KCND2: variants seen among roughly 807,000 people sequenced by gnomAD.
KCND2 encodes the protein A-type voltage-gated potassium channel KCND2.
In KCND2, 16 loss-of-function variants were observed where a neutral mutation model predicts 54.4. The ratio of observed to expected loss-of-function variants is 0.29; its 90% CI spans 0.20 to 0.45. The LOEUF (loss-of-function observed/expected upper bound fraction) is 0.45. KCND2 is among the 20% of genes least tolerant of loss of function. The pLI is 1.00. For synonymous variants in KCND2, 317 were observed against 310.7 expected (o/e 1.02, Z -0.21); for missense variants, 486 against 824.2 (o/e 0.59, Z 5.02).
At chr7:120,662,541 CA>C (rs1791879010) in intron 1 of KCND2, among the ~76,000 whole-genome samples, 1 of 152,126 alleles carries the variant, frequency 6.6e-6, no homozygotes, top group African/African-American at 2.4e-5. Context: ...CCATGCTTTA[CA>C]AAGAACATAA....
intron 1 of KCND2, among the ~76,000 whole-genome samples, chr7:120,457,369 A>G (rs1346944780): frequency 1.3e-5 from 2 of 152,112 alleles, no homozygotes; most frequent in Admixed American, 6.6e-5. Context: ...ATTTTTTCAA[A>G]CTTTCATGCT....
intron 1 of KCND2, among the ~76,000 whole-genome samples, chr7:120,499,880 A>G (rs535939176): frequency 1.6e-4 from 25 of 152,098 alleles, no homozygotes; most frequent in Non-Finnish European, 2.9e-4. Flanking sequence ...CTATTAGATG[A>G]CTCATTTCTT....
chr7:120,617,574 A>C (rs935672150), intron 1 of KCND2, among the ~76,000 whole-genome samples: 1 of 152,192 alleles, frequency 6.6e-6, no homozygotes, highest in African/African-American at 2.4e-5. Flanking sequence ...TGTGGAAAGC[A>C]GTTCTCTTTG....
chr7:120,746,160 C>T (rs912479522), intron 5 of KCND2, 133 bp downstream of exon 5: 34 of 1,002,650 alleles, frequency 3.4e-5, no homozygotes, highest in African/African-American at 6.3e-5. Context: ...AAAATGGTAG[C>T]GTAACAAGTA....
chr7:120,383,304 C>G (rs1306434105), intron 1 of KCND2, among the ~76,000 whole-genome samples: 2 of 151,900 alleles, frequency 1.3e-5, no homozygotes, highest in Non-Finnish European at 2.9e-5. Flanking sequence ...GCAAAGGTTG[C>G]CTTTCTACCC....
chr7:120,381,432 G>C (rs1800914210), intron 1 of KCND2, among the ~76,000 whole-genome samples: 1 of 151,978 alleles, frequency 6.6e-6, no homozygotes, highest in Non-Finnish European at 1.5e-5. Flanking sequence ...GCAACTTCAA[G>C]TTTTATTGGT....
chr7:120,697,007 C>T (rs1218891749), intron 1 of KCND2, among the ~76,000 whole-genome samples: 3 of 152,154 alleles, frequency 2.0e-5, no homozygotes, highest in Non-Finnish European at 4.4e-5. Flanking sequence ...ACATTATCTT[C>T]TTTTTAACTT....
chr7:120,504,199 T>C (rs962292512), intron 1 of KCND2, among the ~76,000 whole-genome samples: 5 of 151,998 alleles, frequency 3.3e-5, no homozygotes, highest in Non-Finnish European at 7.4e-5. Flanking sequence ...CCCTCACTTA[T>C]ATAACTAATA....
chr7:120,503,385 T>TGAGA (rs58222636), intron 1 of KCND2, among the ~76,000 whole-genome samples: 21,608 of 146,572 alleles, frequency 0.15, 2,916 homozygotes, highest in African/African-American at 0.37. Context: ...GTCTCTAGAG[T>TGAGA]GAGAGAGAGA....
chr7:120,450,189 G>T (rs1348496856), intron 1 of KCND2, among the ~76,000 whole-genome samples: 1 of 152,138 alleles, frequency 6.6e-6, no homozygotes, highest in African/African-American at 2.4e-5. Flanking sequence ...GAGGCGGGTG[G>T]ATCATGAGGT....
chr7:120,401,575 G>A lies in KCND2; in HGVS notation c.1115+125828G>A, dbSNP rs371094114. Reference sequence around the variant, plus strand: ...GATTTTGATGATTGACCAGGTATGGGAGCTGTGGCTTTCAAAAGCTTTGAT... The same window carrying A: ...GATTTTGATGATTGACCAGGTATGGAAGCTGTGGCTTTCAAAAGCTTTGAT... On this transcript the variant is annotated intron_variant, in intron 1 of 5. Transcript: ENST00000331113. Among the ~76,000 whole-genome samples, 71 of 152,224 alleles carry A rather than the reference G, an allele frequency of 4.7e-4. No homozygotes were observed. In the East Asian group the frequency reaches 0.012, roughly 25 times the overall value.
intron 1 of KCND2, among the ~76,000 whole-genome samples, chr7:120,351,711 T>C (rs1453127834): frequency 6.6e-6 from 1 of 152,118 alleles, no homozygotes; most frequent in Non-Finnish European, 1.5e-5. Context: ...GAAAAATATA[T>C]CTCCTCCAGT....
At chr7:120,364,977 G>A (rs1012296562) in intron 1 of KCND2, among the ~76,000 whole-genome samples, 3 of 151,934 alleles carry the variant, frequency 2.0e-5, no homozygotes, top group African/African-American at 7.3e-5. Flanking sequence ...AAATAGAAAA[G>A]TTATCCATTG....
chr7:120,734,369 C>G (rs1197854593), intron 2 of KCND2, among the ~76,000 whole-genome samples: 1 of 152,030 alleles, frequency 6.6e-6, no homozygotes. Flanking sequence ...CACATACAAC[C>G]TTCACAAAAA....
At chr7:120,615,973 C>A (rs1369207520) in intron 1 of KCND2, among the ~76,000 whole-genome samples, 1 of 152,148 alleles carries the variant, frequency 6.6e-6, no homozygotes, top group Non-Finnish European at 1.5e-5. Flanking sequence ...GTCCCTCAGC[C>A]TTTACTTCTG....
intron 1 of KCND2, 69 bp downstream of exon 1, chr7:120,275,816 TACATGGTA>T (rs1799165193): frequency 6.6e-7 from 1 of 1,508,366 alleles, no homozygotes; most frequent in East Asian, 2.3e-5. Flanking sequence ...CCATCGAGGT[TACATGGTA>T]ACTCCGGGGA....
chr7:120,274,347 G>A lies in KCND2; in HGVS notation c.-286G>A. On this transcript the variant is annotated 5_prime_UTR_variant, in exon 1 of 6. In the 5' UTR this introduces an upstream ATG that the reference lacks. Transcript: ENST00000331113. ...CCTGTGTGCTTATTTGTGCCAGAGGGTGGCCTAGCCCACCTGCAGGAAGAG... is the reference window on the plus strand; with the variant it reads ...CCTGTGTGCTTATTTGTGCCAGAGGATGGCCTAGCCCACCTGCAGGAAGAG... The A allele has an allele frequency of 1.8e-6, 1 of 549,176 alleles. No individual in the cohort carries two copies. Among genetic ancestry groups the A allele is most frequent in the South Asian group, 2.1e-5 (1 of 47,752 alleles). The allele number at this position is 549,176 out of a possible 1,614,324, so 34.0% of individuals were successfully genotyped here.
intron 1 of KCND2, among the ~76,000 whole-genome samples, chr7:120,396,509 G>A (rs915712413): frequency 6.6e-6 from 1 of 151,922 alleles, no homozygotes; most frequent in South Asian, 2.1e-4. Flanking sequence ...TTTTTTAATA[G>A]GAGATTGGTT....
intron 1 of KCND2, among the ~76,000 whole-genome samples, chr7:120,485,406 A>G (rs1802678915): frequency 6.6e-6 from 1 of 152,142 alleles, no homozygotes; most frequent in Non-Finnish European, 1.5e-5. Flanking sequence ...GAAGGAGTTG[A>G]CTCCATGGTA....
Sources: allele counts gnomAD v4.1 joint callset (sites outside exome capture counted in the v4.1 genomes callset), GRCh38; gene constraint gnomAD v4.1.1; transcripts MANE v1.5; gene names NCBI Gene and HGNC (gene_info 2026-07-23, HGNC 2026-07-21).